The following CTDP1 variants were observed in gnomAD, a reference collection of about 807,000 sequenced individuals.
The protein encoded by CTDP1 is RNA polymerase II subunit A C-terminal domain phosphatase.
Under a neutral mutation model 91.8 loss-of-function variants are expected in CTDP1, and 47 were observed. The observed-to-expected ratio is 0.51, with a 90% confidence interval of 0.41 to 0.65. The LOEUF (loss-of-function observed/expected upper bound fraction) is 0.65. Among genes scored for constraint, CTDP1 ranks in the 30% least tolerant of loss-of-function variants. The pLI, the probability that CTDP1 is intolerant of heterozygous loss-of-function variation, is 0.00. For missense variants in CTDP1, 1,272 were observed against 1,373.7 expected, an observed-to-expected ratio of 0.93 and a Z score of 1.17; for synonymous variants, 656 against 598.5, an observed-to-expected ratio of 1.10 and a Z score of -1.40.
intron 1 of CTDP1, among the ~76,000 whole-genome samples, chr18:79,686,279 A>G (rs928822970): frequency 1.3e-5 from 2 of 152,200 alleles, no homozygotes; most frequent in African/African-American, 4.8e-5. Context: ...GTTATGTGAA[A>G]TCATCTAGTA....
chr18:79,731,513 G>A (rs2086566176), intron 11 of CTDP1, among the ~76,000 whole-genome samples: 1 of 152,176 alleles, frequency 6.6e-6, no homozygotes, highest in South Asian at 2.1e-4. Context: ...GACCCAGTAG[G>A]CATCTGGATT....
In CTDP1 at chr18:79,753,933, T is replaced by G; in HGVS notation, c.*143T>G. ...CAGAGCTCCACATACAGAAACACATTATTTTGCAGAAATAGGTGTTTTTAA... is the reference window on the plus strand; with the variant it reads ...CAGAGCTCCACATACAGAAACACATGATTTTGCAGAAATAGGTGTTTTTAA... On this transcript the variant is annotated 3_prime_UTR_variant, in exon 13 of 13. Coordinates refer to ENST00000613122, the MANE Select transcript of CTDP1 (RefSeq NM_004715.5). The G allele has an allele frequency of 1.7e-6, 2 of 1,165,188 alleles. No homozygotes were observed. Among genetic ancestry groups the G allele is most frequent in the Admixed American group, 2.4e-5 (1 of 41,522 alleles). 72.2% of individuals were successfully genotyped at this position (1,165,188 alleles called of 1,614,324 possible). A position where few individuals can be genotyped will look rare whatever the true frequency, so the allele number is the denominator to read the frequency against.
At chr18:79,694,613 G>A (rs1280261007) in intron 1 of CTDP1, among the ~76,000 whole-genome samples, 1 of 151,204 alleles carries the variant, frequency 6.6e-6, no homozygotes, top group Non-Finnish European at 1.5e-5. Context: ...GGTCGGAGCA[G>A]CCCGGCTGGG....
At chr18:79,705,046 C>A in intron 5 of CTDP1, 129 bp downstream of exon 5, 2 of 1,422,922 alleles carry the variant, frequency 1.4e-6, no homozygotes, top group African/African-American at 1.4e-5. Flanking sequence ...TAGGGTTGGC[C>A]GTTGTGCAGG....
chr18:79,733,158 C>A (rs545137969), intron 11 of CTDP1, among the ~76,000 whole-genome samples: 9 of 151,882 alleles, frequency 5.9e-5, no homozygotes, highest in African/African-American at 2.2e-4. Context: ...ATCCTCACGC[C>A]ACGGCCTCGG....
At chr18:79,739,407 T>G (rs1243270847) in intron 12 of CTDP1, among the ~76,000 whole-genome samples, 2 of 148,868 alleles carry the variant, frequency 1.3e-5, no homozygotes, top group African/African-American at 2.4e-5. Context: ...TTTTTGTGGT[T>G]TTTTTTTTTT....
chr18:79,738,215 G>A (rs905664774), intron 12 of CTDP1, among the ~76,000 whole-genome samples: 5 of 152,210 alleles, frequency 3.3e-5, no homozygotes, highest in Non-Finnish European at 7.3e-5. Flanking sequence ...TTAGAAGCAC[G>A]GCTCCCGTCT....
chr18:79,744,954 T>C (rs55750992), intron 12 of CTDP1, among the ~76,000 whole-genome samples: 73,087 of 152,000 alleles, frequency 0.48, 17,704 homozygotes, highest in East Asian at 0.56. Context: ...GTGATGACAG[T>C]GTGCTGGGCC....
At chr18:79,740,484 A>C (rs1599309083) in intron 12 of CTDP1, among the ~76,000 whole-genome samples, 1 of 152,268 alleles carries the variant, frequency 6.6e-6, no homozygotes, top group South Asian at 2.1e-4. Context: ...TTCACATGAA[A>C]TTTTTGCTTG....
chr18:79,690,490 A>G (rs1271568251), intron 1 of CTDP1, among the ~76,000 whole-genome samples: 4 of 152,118 alleles, frequency 2.6e-5, no homozygotes, highest in Non-Finnish European at 5.9e-5. Flanking sequence ...AGAATCCACA[A>G]CGTGTCACAC....
intron 7 of CTDP1, 110 bp from the exon 8 acceptor site, chr18:79,714,381 A>T: frequency 7.8e-7 from 1 of 1,281,202 alleles, no homozygotes; most frequent in Non-Finnish European, 1.1e-6. Flanking sequence ...GGCCTGGTCT[A>T]GAGGGTGGTG....
chr18:79,743,439 T>C (rs1325870070), intron 12 of CTDP1, among the ~76,000 whole-genome samples: 1 of 150,648 alleles, frequency 6.6e-6, no homozygotes, highest in African/African-American at 2.4e-5. Context: ...GGCAGGAGAA[T>C]TGCTTGAACC....
Position 79,754,128 on chromosome 18 carries a change from T to C in CTDP1, c.*338T>C, listed in dbSNP as rs566070768. 1.6e-5 allele frequency: 6 copies of C among 381,180 alleles called. No individual in the cohort carries two copies. In the Middle Eastern group the frequency reaches 2.6e-3, roughly 165 times the overall value. The allele number at this position is 381,180 out of a possible 1,614,324, so 23.6% of individuals were successfully genotyped here. ...CCCTTGTGTACCAGAGCACATTCCT[T>C]AGGGGACGGCTTTGGGGGTCCCACG... is the stretch of plus-strand genomic sequence containing the variant. On this transcript the variant is annotated 3_prime_UTR_variant, in exon 13 of 13. Coordinates refer to ENST00000613122, the MANE Select transcript of CTDP1 (RefSeq NM_004715.5).
chr18:79,694,833 G>T (rs1422300020), intron 1 of CTDP1, among the ~76,000 whole-genome samples: 6 of 152,218 alleles, frequency 3.9e-5, no homozygotes, highest in African/African-American at 1.4e-4. Context: ...GTCTAGACTG[G>T]GAATGATATG....
chr18:79,679,398 C>A, upstream of CTDP1: 1 of 455,652 alleles, frequency 2.2e-6, no homozygotes, highest in Non-Finnish European at 4.4e-6. Context: ...ACTCACAGTG[C>A]GCGATGGGAG....
rs150585482 is a variant in CTDP1, at chr18:79,688,554, C to T, written c.315-6671C>T. On this transcript the variant is annotated intron_variant, in intron 1 of 12. Coordinates refer to ENST00000613122, the MANE Select transcript of CTDP1 (RefSeq NM_004715.5). Reference sequence around the variant, plus strand: ...TGTTGGGATTACAGGCGTGAGCCACCGCGCCCAACTAATTTTTGTATTTTT... The same window carrying T: ...TGTTGGGATTACAGGCGTGAGCCACTGCGCCCAACTAATTTTTGTATTTTT... Among the ~76,000 whole-genome samples the T allele has an allele frequency of 1.1e-3, 167 of 152,220 alleles. 1 individual carries two copies. The highest frequency in any genetic ancestry group is 3.8e-3 in the African/African-American group (157 of 41,538).
intron 12 of CTDP1, among the ~76,000 whole-genome samples, chr18:79,742,558 ACAAG>A (rs1477615821): frequency 7.9e-5 from 12 of 152,262 alleles, no homozygotes; most frequent in African/African-American, 2.2e-4. Flanking sequence ...ATCCACACAA[ACAAG>A]CAAGCACGAG....
chr18:79,723,646 C>T (rs1277112409), intron 10 of CTDP1, among the ~76,000 whole-genome samples: 1 of 152,088 alleles, frequency 6.6e-6, no homozygotes, highest in East Asian at 1.9e-4. Flanking sequence ...GCCCTTTGGA[C>T]CCTTTATCCT....
At chr18:79,738,185 G>A (rs868315991) in intron 12 of CTDP1, among the ~76,000 whole-genome samples, 1 of 152,214 alleles carries the variant, frequency 6.6e-6, no homozygotes, top group African/African-American at 2.4e-5. Context: ...AACCCCAGGT[G>A]GCAGCATCTC....
Sources: allele counts gnomAD v4.1 joint callset (sites outside exome capture counted in the v4.1 genomes callset), GRCh38; gene constraint gnomAD v4.1.1; transcripts MANE v1.5; gene names NCBI Gene and HGNC (gene_info 2026-07-23, HGNC 2026-07-21).